SCHIP1: variants seen among roughly 807,000 people sequenced by gnomAD.
SCHIP1 encodes the protein schwannomin-interacting protein 1.
Under a neutral mutation model 29.7 loss-of-function variants are expected in SCHIP1, and 8 were observed. That is an observed-to-expected ratio of 0.27 (90% CI 0.16 to 0.49). The LOEUF (loss-of-function observed/expected upper bound fraction) is 0.49. SCHIP1 is among the 20% of genes least tolerant of loss of function. SCHIP1 has a pLI of 0.99. For synonymous variants in SCHIP1, 76 were observed against 94.9 expected, an observed-to-expected ratio of 0.80 and a Z score of 1.16; for missense variants, 193 against 294.6, an observed-to-expected ratio of 0.66 and a Z score of 2.52.
the SCHIP1 span, among the ~76,000 whole-genome samples, chr3:159,526,254 G>A: frequency 1.3e-5 from 2 of 152,058 alleles, no homozygotes; most frequent in Non-Finnish European, 2.9e-5. Context: ...CTGCAGCCTT[G>A]ACCTCCTGGG....
the SCHIP1 span, among the ~76,000 whole-genome samples, chr3:159,610,265 G>T: frequency 6.6e-6 from 1 of 152,112 alleles, no homozygotes; most frequent in African/African-American, 2.4e-5. Flanking sequence ...GTGGTAAATA[G>T]CAGCAAACGA....
the SCHIP1 span, among the ~76,000 whole-genome samples, chr3:159,514,188 G>A: frequency 2.8e-4 from 43 of 152,156 alleles, no homozygotes; most frequent in Middle Eastern, 3.4e-3. Flanking sequence ...AACCACCACC[G>A]TCATGGAAAA....
At chr3:159,407,042 A>G in the SCHIP1 span, among the ~76,000 whole-genome samples, 8 of 152,206 alleles carry the variant, frequency 5.3e-5, no homozygotes, top group African/African-American at 1.9e-4. Context: ...CTACCTATCA[A>G]TAATAACATT....
chr3:159,505,619 G>C, the SCHIP1 span, among the ~76,000 whole-genome samples: 56 of 151,414 alleles, frequency 3.7e-4, no homozygotes, highest in African/African-American at 1.3e-3. Context: ...CTATCCCCCT[G>C]GCCCCACCCA....
At chr3:159,396,753 A>AT in the SCHIP1 span, among the ~76,000 whole-genome samples, 2 of 151,136 alleles carry the variant, frequency 1.3e-5, no homozygotes, top group Non-Finnish European at 3.0e-5. Flanking sequence ...TGCCCTTAAC[A>AT]TTTTTTCCTT....
chr3:159,856,911 C>G (rs971824857), intron 1 of SCHIP1, among the ~76,000 whole-genome samples: 9 of 152,262 alleles, frequency 5.9e-5, no homozygotes, highest in Admixed American at 4.6e-4. Flanking sequence ...AGCTCTCTGC[C>G]CTCCCCACAC....
At chr3:159,651,719 CTTTT>C in the SCHIP1 span, among the ~76,000 whole-genome samples, 9 of 152,120 alleles carry the variant, frequency 5.9e-5, no homozygotes, top group Admixed American at 6.5e-5. Context: ...AGTAAGCAAA[CTTTT>C]TTTACTGAAA....
the SCHIP1 span, among the ~76,000 whole-genome samples, chr3:159,776,332 C>CTTTTTTTTTTTTTTTTTTTTTT: frequency 7.4e-6 from 1 of 135,424 alleles, no homozygotes. Flanking sequence ...AGTGTTCTGT[C>CTTTTTTTTTTTTTTTTTTTTTT]TTTTTTTTTT....
chr3:159,291,124 C>A, the SCHIP1 span, among the ~76,000 whole-genome samples: 1 of 152,002 alleles, frequency 6.6e-6, no homozygotes, highest in Non-Finnish European at 1.5e-5. Context: ...ATACAAAATA[C>A]ACAAGGAAGG....
the SCHIP1 span, among the ~76,000 whole-genome samples, chr3:159,605,452 T>C: frequency 1.3e-5 from 2 of 152,126 alleles, no homozygotes; most frequent in Non-Finnish European, 2.9e-5. Flanking sequence ...TGGAAAGAAA[T>C]GTAGAGATCT....
chr3:159,496,662 G>A, the SCHIP1 span, among the ~76,000 whole-genome samples: 1 of 152,202 alleles, frequency 6.6e-6, no homozygotes, highest in Non-Finnish European at 1.5e-5. Flanking sequence ...TGGTGGGACT[G>A]TACACTAATT....
the SCHIP1 span, among the ~76,000 whole-genome samples, chr3:159,554,273 G>A: frequency 6.6e-6 from 1 of 152,218 alleles, no homozygotes; most frequent in African/African-American, 2.4e-5. Flanking sequence ...CAGAAAGTTA[G>A]CCATGAAATT....
At chr3:159,529,012 A>G in the SCHIP1 span, among the ~76,000 whole-genome samples, 1 of 152,228 alleles carries the variant, frequency 6.6e-6, no homozygotes, top group African/African-American at 2.4e-5. Context: ...ATCAAAGTCA[A>G]TTAAAATTCA....
the SCHIP1 span, among the ~76,000 whole-genome samples, chr3:159,519,840 C>T: frequency 7.0e-6 from 1 of 142,866 alleles, no homozygotes; most frequent in Non-Finnish European, 1.5e-5. Flanking sequence ...AGCAGGCCCT[C>T]AAGGCATTAT....
the SCHIP1 span, among the ~76,000 whole-genome samples, chr3:159,485,699 T>C: frequency 1.3e-5 from 2 of 152,170 alleles, no homozygotes; most frequent in Non-Finnish European, 2.9e-5. Flanking sequence ...TCCGTTTCCT[T>C]ATTTGTAAAA....
chr3:159,777,432 T>G, the SCHIP1 span, among the ~76,000 whole-genome samples: 1 of 151,448 alleles, frequency 6.6e-6, no homozygotes, highest in Non-Finnish European at 1.5e-5. Flanking sequence ...CTTAAAATAA[T>G]GAGAAATAAT....
the SCHIP1 span, among the ~76,000 whole-genome samples, chr3:159,403,025 G>C: frequency 6.6e-6 from 1 of 152,184 alleles, no homozygotes; most frequent in South Asian, 2.1e-4. Flanking sequence ...GGCTAATATT[G>C]TATCTAAACT....
At chr3:159,669,487 C>G in the SCHIP1 span, among the ~76,000 whole-genome samples, 1 of 152,310 alleles carries the variant, frequency 6.6e-6, no homozygotes, top group East Asian at 1.9e-4. Flanking sequence ...TGATAGGATT[C>G]TGTGTGAAAA....
chr3:159,542,523 C>T, the SCHIP1 span, among the ~76,000 whole-genome samples: 1 of 152,008 alleles, frequency 6.6e-6, no homozygotes, highest in African/African-American at 2.4e-5. Flanking sequence ...AGAGATTCAC[C>T]CTTGCGGTTT....
Sources: allele counts gnomAD v4.1 joint callset (sites outside exome capture counted in the v4.1 genomes callset), GRCh38; gene constraint gnomAD v4.1.1; transcripts MANE v1.5; gene names NCBI Gene and HGNC (gene_info 2026-07-23, HGNC 2026-07-21).